Variants in LRBA observed in about 807,000 individuals in gnomAD.
LRBA encodes LPS responsive beige-like anchor protein, also known as lipopolysaccharide-responsive and beige-like anchor protein.
A neutral mutation model predicts 330.0 loss-of-function variants in LRBA; 176 were observed. The ratio of observed to expected loss-of-function variants is 0.53; its 90% CI spans 0.47 to 0.60. The LOEUF (loss-of-function observed/expected upper bound fraction) is 0.60, where lower values mean the gene tolerates loss of function less well. LRBA is among the 20% of genes least tolerant of loss of function. The probability of loss-of-function intolerance (pLI) is 0.00; values close to 1 mark genes in which losing one functional copy is unlikely to be tolerated. For synonymous variants in LRBA, 1,230 were observed against 1,193.0 expected (o/e 1.03, Z -0.64); for missense variants, 3,259 against 3,444.8 (o/e 0.95, Z 1.35).
intron 37 of LRBA, among the ~76,000 whole-genome samples, chr4:150,653,202 A>C (rs1779871771): frequency 6.6e-6 from 1 of 152,096 alleles, no homozygotes; most frequent in African/African-American, 2.4e-5. Context: ...TTCTCTCATC[A>C]ATGTGGTTAT....
chr4:150,944,643 C>A (rs1736048658), intron 2 of LRBA, among the ~76,000 whole-genome samples: 1 of 151,998 alleles, frequency 6.6e-6, no homozygotes, highest in African/African-American at 2.4e-5. Context: ...AAAGATATAG[C>A]CAGGCTTTAA....
chr4:150,564,371 C>T (rs1360514300), intron 40 of LRBA, among the ~76,000 whole-genome samples: 1 of 152,058 alleles, frequency 6.6e-6, no homozygotes, highest in Non-Finnish European at 1.5e-5. Context: ...CCTTATCCCT[C>T]ATACAAAAAT....
At chr4:150,700,902 G>T (rs978539659) in intron 36 of LRBA, among the ~76,000 whole-genome samples, 8 of 151,464 alleles carry the variant, frequency 5.3e-5, no homozygotes, top group African/African-American at 1.9e-4. Context: ...GGACTACAGG[G>T]GTGTACCACC....
At chr4:150,374,605 A>T (rs1425679275) in intron 47 of LRBA, among the ~76,000 whole-genome samples, 4 of 152,206 alleles carry the variant, frequency 2.6e-5, no homozygotes, top group African/African-American at 9.6e-5. Context: ...AAAGTCTGAA[A>T]TTTTTTTGAT....
intron 17 of LRBA, 65 bp downstream of exon 17, chr4:150,892,987 T>C: frequency 1.0e-6 from 1 of 997,816 alleles, no homozygotes; most frequent in South Asian, 1.6e-5. Flanking sequence ...ATCCTTTTCA[T>C]ATTTAAGAAG....
At position 150,841,042 on chromosome 4, in the gene LRBA, T is replaced by C. The variant is rs145090887; in HGVS notation, c.4569+3058A>G. The C allele has an allele frequency of 1.9e-4, 229 of 1,195,252 alleles. No homozygotes were observed. In the African/African-American group the frequency reaches 3.3e-3, roughly 17 times the overall value. 74.0% of individuals were successfully genotyped at this position (1,195,252 alleles called of 1,614,324 possible). On this transcript the variant is annotated intron_variant, in intron 28 of 56. Transcript: ENST00000651943. ...TGATATTTTGCAGGTTCATATGTAA[T>C]GACTTCTTAGTCTGTTGGAAAAAAC...
chr4:150,344,731 T>C (rs779518089), intron 48 of LRBA, among the ~76,000 whole-genome samples: 24 of 152,174 alleles, frequency 1.6e-4, no homozygotes, highest in Non-Finnish European at 3.1e-4. Context: ...TTCATCTTTT[T>C]GTAGAGATGA....
intron 2 of LRBA, among the ~76,000 whole-genome samples, chr4:150,994,396 G>A (rs1298592143): frequency 6.6e-6 from 1 of 152,216 alleles, no homozygotes; most frequent in Non-Finnish European, 1.5e-5. Flanking sequence ...AAAATTAAAA[G>A]AGGGAACCTA....
At chr4:150,815,328 T>C (rs1473371699) in intron 31 of LRBA, among the ~76,000 whole-genome samples, 1 of 150,128 alleles carries the variant, frequency 6.7e-6, no homozygotes, top group Non-Finnish European at 1.5e-5. Context: ...TCCAAATGAA[T>C]TACCAAATTA....
At chr4:150,983,437 G>A (rs933968985) in intron 2 of LRBA, among the ~76,000 whole-genome samples, 2 of 149,008 alleles carry the variant, frequency 1.3e-5, no homozygotes, top group African/African-American at 4.9e-5. Context: ...CCTGGGTGAT[G>A]AAGCAAGCAC....
At chr4:151,014,339 G>A in intron 2 of LRBA, 88 bp downstream of exon 2, 1 of 1,045,460 alleles carries the variant, frequency 9.6e-7, no homozygotes, top group Non-Finnish European at 1.4e-6. Flanking sequence ...CACCATCAGT[G>A]TGAGTAAACC....
chr4:150,947,809 C>T (rs1157940114), intron 2 of LRBA, among the ~76,000 whole-genome samples: 3 of 152,012 alleles, frequency 2.0e-5, no homozygotes, highest in Non-Finnish European at 1.5e-5. Context: ...AGCAAGGTAA[C>T]GGGTTACCAG....
At chr4:150,613,881 A>G (rs1775509365) in intron 37 of LRBA, among the ~76,000 whole-genome samples, 1 of 152,134 alleles carries the variant, frequency 6.6e-6, no homozygotes, top group South Asian at 2.1e-4. Context: ...AGAACTCCTT[A>G]CTTGGAGAGG....
intron 43 of LRBA, 35 bp downstream of exon 43, chr4:150,471,589 T>C: frequency 1.7e-6 from 2 of 1,158,384 alleles, no homozygotes; most frequent in Non-Finnish European, 2.5e-6. Context: ...AATAATTTAT[T>C]GTCTAAAATA....
intron 36 of LRBA, chr4:150,720,895 A>G: frequency 2.9e-6 from 1 of 339,008 alleles, no homozygotes; most frequent in Admixed American, 3.9e-5. Context: ...AGCAACATTC[A>G]AAGTCAGAAG....
intron 2 of LRBA, among the ~76,000 whole-genome samples, chr4:150,984,899 C>G (rs568948983): frequency 6.6e-6 from 1 of 152,306 alleles, no homozygotes; most frequent in South Asian, 2.1e-4. Flanking sequence ...TTCCTAGCAG[C>G]AATTCTCTAA....
chr4:150,570,888 T>C (rs1769752134), intron 40 of LRBA, among the ~76,000 whole-genome samples: 1 of 152,174 alleles, frequency 6.6e-6, no homozygotes, highest in Non-Finnish European at 1.5e-5. Flanking sequence ...TGTTTGTATT[T>C]TTCTAATAAT....
chr4:150,724,162 A>C (rs1003497680), intron 36 of LRBA, among the ~76,000 whole-genome samples: 1 of 152,148 alleles, frequency 6.6e-6, no homozygotes, highest in Admixed American at 6.5e-5. Flanking sequence ...CTGGGGCAAG[A>C]CCTAGTGCTG....
intron 53 of LRBA, among the ~76,000 whole-genome samples, chr4:150,289,492 T>C (rs1275053725): frequency 6.6e-6 from 1 of 152,068 alleles, no homozygotes; most frequent in Non-Finnish European, 1.5e-5. Flanking sequence ...AGCATAAGGG[T>C]AGACTTATGA....
Sources: allele counts gnomAD v4.1 joint callset (sites outside exome capture counted in the v4.1 genomes callset), GRCh38; gene constraint gnomAD v4.1.1; transcripts MANE v1.5; gene names NCBI Gene and HGNC (gene_info 2026-07-23, HGNC 2026-07-21).